TCP1: variants seen among roughly 807,000 people sequenced by gnomAD.
The protein encoded by TCP1 is T-complex protein 1 subunit alpha.
In TCP1, 6 loss-of-function variants were observed where a neutral mutation model predicts 54.7. That is an observed-to-expected ratio of 0.11 (90% CI 0.06 to 0.22). The LOEUF (loss-of-function observed/expected upper bound fraction) is 0.22. Among genes scored for constraint, TCP1 ranks in the 10% least tolerant of loss-of-function variants. The pLI is 1.00. For synonymous variants in TCP1, 225 were observed against 229.7 expected, an observed-to-expected ratio of 0.98 and a Z score of 0.19; for missense variants, 511 against 678.2, an observed-to-expected ratio of 0.75 and a Z score of 2.74.
intron 7 of TCP1, among the ~76,000 whole-genome samples, chr6:159,782,798 G>A (rs1294599699): frequency 1.3e-5 from 2 of 152,076 alleles, no homozygotes; most frequent in African/African-American, 4.8e-5. Context: ...GGAACAAAGG[G>A]GCTATCCTGG....
chr6:159,788,367 C>G, intron 1 of TCP1: 1 of 460,830 alleles, frequency 2.2e-6, no homozygotes, highest in South Asian at 2.4e-5. Context: ...GCAGGAGGAT[C>G]GCTTGATGCC....
Position 159,780,474 on chromosome 6 carries a change from T to A in TCP1, c.1066A>T (p.Ile356Phe), listed in dbSNP as rs1425994414. 6.2e-7 allele frequency: 1 copy of A among 1,614,046 alleles called. No individual in the cohort carries two copies. The highest frequency in any genetic ancestry group is 8.5e-7 in the Non-Finnish European group (1 of 1,179,968). Reference sequence around the variant, plus strand: ...ATTAAGATCAGCTCATCATCACAAATTCTCTCCTGTACCACTTCTTCTGCC... The same window carrying A: ...ATTAAGATCAGCTCATCATCACAAAATCTCTCCTGTACCACTTCTTCTGCC... ...GQAEEVVQERICDDELILIKN... is the reference protein window; with the variant it reads ...GQAEEVVQERFCDDELILIKN... The change falls in exon 9 of 12, where the codon ATT (isoleucine) becomes TTT (phenylalanine). Residue 356 changes from isoleucine (I) to phenylalanine (F), a missense_variant. Physicochemically the swap from Ile to Phe is conservative, Grantham distance 21. Around this residue, in one of 5 missense-constraint regions of TCP1, gnomAD observed 305 missense variants for 352.8 expected, o/e 0.86. Coordinates refer to ENST00000321394, the MANE Select transcript of TCP1 (RefSeq NM_030752.3).
At position 159,779,852 on chromosome 6, in the gene TCP1, C is replaced by A. The variant is rs200419393; in HGVS notation, c.1290+43G>T. On this transcript the variant is annotated intron_variant, in intron 10 of 11. Coordinates refer to ENST00000321394, the MANE Select transcript of TCP1 (RefSeq NM_030752.3). ...GGAAAAAAAAAATTGAAGTCCACAGCTACTGCTCTCAGGCCTCTAAGACAA... is the reference window on the plus strand; with the variant it reads ...GGAAAAAAAAAATTGAAGTCCACAGATACTGCTCTCAGGCCTCTAAGACAA... The A allele has an allele frequency of 3.4e-5, 54 of 1,602,790 alleles. No homozygotes were observed. In the East Asian group the frequency reaches 6.2e-4, roughly 19 times the overall value.
At chr6:159,788,025 A>G (rs1174249075) in intron 2 of TCP1, 33 bp downstream of exon 2, 2 of 1,610,830 alleles carry the variant, frequency 1.2e-6, no homozygotes, top group Non-Finnish European at 1.7e-6. Context: ...GTTTTACTTT[A>G]AGGAAACTAA....
intron 7 of TCP1, among the ~76,000 whole-genome samples, chr6:159,782,746 TGAAA>T (rs916720611): frequency 1.3e-5 from 2 of 151,936 alleles, no homozygotes; most frequent in African/African-American, 2.4e-5. Flanking sequence ...GAGAAACAGC[TGAAA>T]GAGTCTCTGG....
intron 11 of TCP1, 135 bp from the exon 12 acceptor site, chr6:159,779,396 A>T (rs1316169326): frequency 3.0e-6 from 3 of 990,942 alleles, no homozygotes; most frequent in Non-Finnish European, 4.5e-6. Flanking sequence ...TTTCTACCAA[A>T]AGAAGCAGGG....
At chr6:159,786,869 T>C (rs533102999) in intron 3 of TCP1, among the ~76,000 whole-genome samples, 1 of 152,336 alleles carries the variant, frequency 6.6e-6, no homozygotes, top group African/African-American at 2.4e-5. Flanking sequence ...ACTGACTCGG[T>C]AAGATCACAC....
chr6:159,779,495 TTGCTG>T, intron 11 of TCP1, 127 bp downstream of exon 11: 7 of 1,277,932 alleles, frequency 5.5e-6, no homozygotes, highest in Non-Finnish European at 6.5e-6. Flanking sequence ...CAACAAATGC[TTGCTG>T]TGAAGTTTTT....
rs1369591511 is a variant in TCP1 at position 159,784,835 on chromosome 6, G to T, written c.501C>A (p.Phe167Leu). The change falls in exon 6 of 12, where the codon TTC (phenylalanine) becomes TTA (leucine). Residue 167 changes from phenylalanine (F) to leucine (L), a missense_variant. Physicochemically the swap from Phe to Leu is conservative, Grantham distance 22 (BLOSUM62 0). Coordinates refer to ENST00000321394, the MANE Select transcript of TCP1 (RefSeq NM_030752.3). ...CAGCATCTACTACCATGTTAGCAAAGAAATCACCATTTCTACGCCAAAAGT... is the reference window on the plus strand; with the variant it reads ...CAGCATCTACTACCATGTTAGCAAATAAATCACCATTTCTACGCCAAAAGT... ...SSKIIGINGD[F>L]FANMVVDAVL... 1.2e-6 allele frequency: 2 copies of T among 1,614,158 alleles called. No homozygotes were observed. Among genetic ancestry groups the T allele is most frequent in the Non-Finnish European group, 1.7e-6 (2 of 1,180,022 alleles).
rs1780742632 is a variant in TCP1 at position 159,788,149 on chromosome 6, G to A, written c.65-6C>T. On this transcript the variant is annotated splice_polypyrimidine_tract_variant and splice_region_variant and intron_variant, in intron 1 of 11. Transcript: ENST00000321394. ...AATCGAAGCTGCAGCCATAACTGTAGACAATCAATTAAAAATAAAAAAGAA... is the reference window on the plus strand; with the variant it reads ...AATCGAAGCTGCAGCCATAACTGTAAACAATCAATTAAAAATAAAAAAGAA... 2.5e-6 allele frequency: 4 copies of A among 1,613,084 alleles called. No individual in the cohort carries two copies. The South Asian group carries it at 3.3e-5, about 13-fold the overall frequency.
In TCP1 at chr6:159,778,933, T is replaced by TG. The variant is rs1780502403; in HGVS notation, c.*111_*112insC. The TG allele has an allele frequency of 6.4e-7, 1 of 1,565,694 alleles. No individual in the cohort carries two copies. The highest frequency in any genetic ancestry group is 8.7e-7 in the Non-Finnish European group (1 of 1,151,328). ...CAAAGTACAGATGGAAACCATTTCCTACATCACAAAAACCCAAGTTTACAG... is the reference window on the plus strand; with the variant it reads ...CAAAGTACAGATGGAAACCATTTCCTGACATCACAAAAACCCAAGTTTACAG... On this transcript the variant is annotated 3_prime_UTR_variant, in exon 12 of 12. Transcript: ENST00000321394.
chr6:159,779,288 G>A (rs1215983376), intron 11 of TCP1, 27 bp from the exon 12 acceptor site: 11 of 1,591,082 alleles, frequency 6.9e-6, no homozygotes, highest in Admixed American at 1.7e-5. Context: ...ATTATTTAAC[G>A]GCCGCTTACA....
rs538880544 is a variant in TCP1, at chr6:159,784,191, A to C, written c.671-124T>G. ...ATTCATTGCATTTTATCTTAGAAAA[A>C]TTTTATGGCATTAAATGCACGTAAT... is the stretch of plus-strand genomic sequence containing the variant. On this transcript the variant is annotated intron_variant, in intron 6 of 11. Coordinates refer to ENST00000321394, the MANE Select transcript of TCP1 (RefSeq NM_030752.3). 1.4e-5 allele frequency: 17 copies of C among 1,206,312 alleles called. No homozygotes were observed. The South Asian group carries it at 2.9e-4, about 20-fold the overall frequency. 74.7% of individuals were successfully genotyped at this position (1,206,312 alleles called of 1,614,324 possible).
At position 159,786,047 on chromosome 6, in the gene TCP1, G is replaced by A. The variant is rs1470242360; in HGVS notation, c.280-50C>T. 6 of 1,426,164 alleles carry A rather than the reference G, an allele frequency of 4.2e-6. No homozygotes were observed. In the South Asian group the frequency reaches 4.6e-5, roughly 11 times the overall value. 88.3% of individuals were successfully genotyped at this position (1,426,164 alleles called of 1,614,324 possible). On this transcript the variant is annotated intron_variant, in intron 3 of 11. Coordinates refer to ENST00000321394, the MANE Select transcript of TCP1 (RefSeq NM_030752.3). ...TGAGTGTGCCGGATATTCAACATGT[G>A]CAATACATATGGAATGACACTAAAA...
intron 1 of TCP1, chr6:159,789,101 C>A (rs1194337376): frequency 2.3e-6 from 1 of 432,334 alleles, no homozygotes; most frequent in Non-Finnish European, 4.2e-6. Flanking sequence ...GTGGCCCGCA[C>A]GTGCGAGCCC....
In TCP1 at chr6:159,785,393, T is replaced by C. The variant is rs994399047; in HGVS notation, c.481A>G (p.Ile161Val). The C allele has an allele frequency of 2.6e-5, 42 of 1,608,746 alleles. No homozygotes were observed. The highest frequency in any genetic ancestry group is 3.2e-5 in the Non-Finnish European group (38 of 1,176,670). ...AAKTSMSSKI[I>V]GINGDFFANM... ...TGACAACCACAAGGATACATTCCAA[T>C]GATTTTGGAAGACATGGATGTCTTA... The change falls in exon 5 of 12, where the codon ATT (isoleucine) becomes GTT (valine). Residue 161 changes from isoleucine to valine, a missense_variant. Around this residue, in one of 5 missense-constraint regions of TCP1, gnomAD observed 305 missense variants for 352.8 expected, o/e 0.86. Coordinates refer to ENST00000321394, the MANE Select transcript of TCP1 (RefSeq NM_030752.3).
intron 7 of TCP1, among the ~76,000 whole-genome samples, chr6:159,782,802 A>G (rs1348156493): frequency 6.6e-6 from 1 of 152,232 alleles, no homozygotes; most frequent in African/African-American, 2.4e-5. Flanking sequence ...CAAAGGGGCT[A>G]TCCTGGAGAG....
intron 3 of TCP1, among the ~76,000 whole-genome samples, chr6:159,786,557 A>G (rs1780701889): frequency 6.6e-6 from 1 of 152,276 alleles, no homozygotes; most frequent in African/African-American, 2.4e-5. Context: ...TTTATTTAAA[A>G]AAGATAGTTC....
intron 7 of TCP1, among the ~76,000 whole-genome samples, chr6:159,782,718 A>T (rs752498141): frequency 2.0e-5 from 3 of 152,196 alleles, no homozygotes; most frequent in Non-Finnish European, 4.4e-5. Context: ...AGATAGAGGT[A>T]TGTGTGTTTG....
Sources: allele counts gnomAD v4.1 joint callset (sites outside exome capture counted in the v4.1 genomes callset), GRCh38; gene constraint gnomAD v4.1.1; regional missense constraint gnomAD v4.1.1; transcripts MANE v1.5; gene names NCBI Gene and HGNC (gene_info 2026-07-23, HGNC 2026-07-21).